Variants in MYO10 observed in about 807,000 individuals in gnomAD.
MYO10 encodes unconventional myosin-X.
MYO10 carries 133 observed loss-of-function variants against 257.3 expected under a neutral mutation model. That is an observed-to-expected ratio of 0.52 (90% CI 0.45 to 0.60). The LOEUF (loss-of-function observed/expected upper bound fraction) is 0.60. Among genes scored for constraint, MYO10 ranks in the 20% least tolerant of loss-of-function variants. The probability of loss-of-function intolerance (pLI) is 0.00; values close to 1 mark genes in which losing one functional copy is unlikely to be tolerated. For missense variants in MYO10, 2,399 were observed against 2,635.7 expected, an observed-to-expected ratio of 0.91 and a Z score of 1.97; for synonymous variants, 1,104 against 1,028.6, an observed-to-expected ratio of 1.07 and a Z score of -1.40.
At chr5:16,820,642 AAAAC>A (rs1460739364) in intron 2 of MYO10, among the ~76,000 whole-genome samples, 3 of 152,214 alleles carry the variant, frequency 2.0e-5, no homozygotes, top group East Asian at 3.8e-4. Flanking sequence ...TCTCAACGTG[AAAAC>A]AAACAGCTTC....
intron 1 of MYO10, among the ~76,000 whole-genome samples, chr5:16,923,811 C>T (rs570477475): frequency 2.0e-5 from 3 of 152,130 alleles, no homozygotes; most frequent in African/African-American, 4.8e-5. Flanking sequence ...AAAAATTGGC[C>T]AAGTGCGATG....
chr5:16,673,731 C>T lies in MYO10; in HGVS notation c.5123G>A (p.Gly1708Asp), dbSNP rs1736582785. The change falls in exon 36 of 41, where the codon GGC becomes GAC. Residue 1708 changes from glycine to aspartate, a missense_variant. Coordinates refer to ENST00000513610, the MANE Select transcript of MYO10 (RefSeq NM_012334.3). ...QEMTSTVYCH[G>D]GGSCKITINS... ...GATGGTGATCTTGCAGGAGCCGCCG[C>T]CATGGCAATAGACCGTGGATGTCAT... The T allele has an allele frequency of 6.2e-7, 1 of 1,613,936 alleles. No homozygotes were observed. Among genetic ancestry groups the T allele is most frequent in the Non-Finnish European group, 8.5e-7 (1 of 1,179,902 alleles).
rs980175595 is a variant in MYO10 at position 16,783,247 on chromosome 5, G to A, written c.602+88C>T. 30 of 1,320,218 alleles carry A rather than the reference G, an allele frequency of 2.3e-5. No homozygotes were observed. In the Middle Eastern group the frequency reaches 9.5e-4, roughly 42 times the overall value. The allele number at this position is 1,320,218 out of a possible 1,614,324, so 81.8% of individuals were successfully genotyped here. ...GAGAAGTCAAGAAAAAGAGAAACGC[G>A]ACCAACTAATTTTAACTCTTCTTTA... On this transcript the variant is annotated intron_variant, in intron 5 of 40. Coordinates refer to ENST00000513610, the MANE Select transcript of MYO10 (RefSeq NM_012334.3).
At chr5:16,854,779 C>T (rs1472565860) in intron 2 of MYO10, among the ~76,000 whole-genome samples, 1 of 152,112 alleles carries the variant, frequency 6.6e-6, no homozygotes, top group Non-Finnish European at 1.5e-5. Context: ...CATCTGTAAT[C>T]CCAGCACTTT....
chr5:16,671,153 A>G (rs1427668377), intron 38 of MYO10, among the ~76,000 whole-genome samples, 175 bp from the exon 39 acceptor site: 1 of 152,142 alleles, frequency 6.6e-6, no homozygotes, highest in East Asian at 1.9e-4. Context: ...TTTTCTCCCT[A>G]GCACAGATAC....
intron 11 of MYO10, among the ~76,000 whole-genome samples, chr5:16,765,864 G>C (rs888123900): frequency 1.8e-4 from 28 of 152,220 alleles, no homozygotes; most frequent in African/African-American, 6.7e-4. Flanking sequence ...ACAACAATTC[G>C]ATGTTATTTT....
chr5:16,686,415 C>T (rs546909673), intron 28 of MYO10, among the ~76,000 whole-genome samples: 1 of 152,052 alleles, frequency 6.6e-6, no homozygotes, highest in Non-Finnish European at 1.5e-5. Context: ...GATGCTTAAC[C>T]GGTAAGTCTA....
chr5:16,835,208 T>C (rs2126721457), intron 2 of MYO10, among the ~76,000 whole-genome samples: 1 of 152,142 alleles, frequency 6.6e-6, no homozygotes, highest in East Asian at 1.9e-4. Flanking sequence ...AATTTAGAGA[T>C]AACACACAAG....
chr5:16,749,164 C>T (rs1011057713), intron 19 of MYO10, among the ~76,000 whole-genome samples: 1 of 152,148 alleles, frequency 6.6e-6, no homozygotes, highest in African/African-American at 2.4e-5. Context: ...TGGTCTTCAG[C>T]CTCCCCCAGC....
rs372579703 is a variant in MYO10, at chr5:16,681,965, G to A, written c.4095C>T (p.Asn1365=). 2.5e-5 allele frequency: 40 copies of A among 1,613,856 alleles called. No individual in the cohort carries two copies. The highest frequency in any genetic ancestry group is 1.1e-4 in the African/African-American group (8 of 75,022). ...IITANRVLHC[N]ADTPEEMHHW... is the part of the protein sequence containing the mutation. Reference sequence around the variant, plus strand: ...GGTGCATCTCCTCCGGCGTGTCGGCGTTGCAGTGCAGCACCCGGTTGGCCG... The same window carrying A: ...GGTGCATCTCCTCCGGCGTGTCGGCATTGCAGTGCAGCACCCGGTTGGCCG... Residue 1365 remains asparagine (N), a synonymous_variant, in exon 31 of 41, where the codon AAC becomes AAT. Coordinates refer to ENST00000513610, the MANE Select transcript of MYO10 (RefSeq NM_012334.3).
At chr5:16,691,979 A>G (rs1000493569) in intron 27 of MYO10, among the ~76,000 whole-genome samples, 6 of 152,240 alleles carry the variant, frequency 3.9e-5, no homozygotes, top group African/African-American at 1.4e-4. Flanking sequence ...AGCAAGTGAA[A>G]GAAAGGCAGA....
chr5:16,802,899 T>C (rs890399081), intron 3 of MYO10, among the ~76,000 whole-genome samples: 3 of 148,638 alleles, frequency 2.0e-5, no homozygotes, highest in African/African-American at 7.4e-5. Context: ...AGCCCAGGAG[T>C]TCAAGACCGG....
intron 27 of MYO10, among the ~76,000 whole-genome samples, chr5:16,692,459 A>G (rs2126526326): frequency 6.6e-6 from 1 of 152,336 alleles, no homozygotes; most frequent in South Asian, 2.1e-4. Context: ...AGGCCACTGC[A>G]GAAATCTGAA....
At chr5:16,881,383 C>T (rs1326722307) in intron 1 of MYO10, among the ~76,000 whole-genome samples, 1 of 152,176 alleles carries the variant, frequency 6.6e-6, no homozygotes, top group African/African-American at 2.4e-5. Context: ...TTTGAAAGTA[C>T]TACAAAAGCC....
At chr5:16,799,500 T>C (rs1426177532) in intron 3 of MYO10, among the ~76,000 whole-genome samples, 2 of 152,014 alleles carry the variant, frequency 1.3e-5, no homozygotes, top group Non-Finnish European at 2.9e-5. Flanking sequence ...GAAATACTTT[T>C]TTTTTTTTTT....
In MYO10 at chr5:16,701,295, G is replaced by A; in HGVS notation, c.3100C>T (p.Pro1034Ser). The stretch of plus-strand genomic sequence containing the variant: ...GGCACCACCGTGTCGTTCATGTATG[G>A]GTCCTCCTCTGAAGAGTCATCGCTG... Reference protein sequence around the residue: ...RTSDDSSEEDPYMNDTVVPTS... With the variant: ...RTSDDSSEEDSYMNDTVVPTS... Residue 1034 changes from proline (P) to serine (S), a missense_variant, in exon 25 of 41, where the codon CCA becomes TCA. This residue lies in a region of MYO10 where 1,820 missense variants were observed against 1,939.4 expected (regional missense o/e 0.94). Transcript: ENST00000513610. The surrounding 1 kb of genome is among the most constrained non-coding windows in gnomAD (Gnocchi z 8.1). The A allele has an allele frequency of 2.5e-6, 4 of 1,613,876 alleles. No individual in the cohort carries two copies. The highest frequency in any genetic ancestry group is 2.2e-5 in the East Asian group (1 of 44,856).
chr5:16,713,269 T>C, intron 19 of MYO10: 3 of 969,672 alleles, frequency 3.1e-6, no homozygotes, highest in African/African-American at 1.8e-5. Context: ...GCTCGAGTTA[T>C]TAAAACTAAA....
intron 2 of MYO10, among the ~76,000 whole-genome samples, chr5:16,844,486 T>G (rs1193196258): frequency 1.3e-5 from 2 of 152,108 alleles, no homozygotes; most frequent in Admixed American, 1.3e-4. Flanking sequence ...AAGAGGAATA[T>G]CTAAAGTACG....
chr5:16,681,265 CTTTAAGAT>C, intron 32 of MYO10, 36 bp downstream of exon 32: 1 of 1,563,482 alleles, frequency 6.4e-7, no homozygotes, highest in Non-Finnish European at 8.7e-7. Flanking sequence ...CAAGCCCAGA[CTTTAAGAT>C]TTGATGCTCA....
Sources: allele counts gnomAD v4.1 joint callset (sites outside exome capture counted in the v4.1 genomes callset), GRCh38; gene constraint gnomAD v4.1.1; regional missense constraint gnomAD v4.1.1; non-coding constraint Gnocchi (gnomAD v3.1); transcripts MANE v1.5; gene names NCBI Gene and HGNC (gene_info 2026-07-23, HGNC 2026-07-21).